RERE: variants seen among roughly 807,000 people sequenced by gnomAD.
The protein encoded by RERE is arginine-glutamic acid dipeptide repeats protein.
Under a neutral mutation model 146.1 loss-of-function variants are expected in RERE, and 40 were observed. That is an observed-to-expected ratio of 0.27 (90% CI 0.21 to 0.36). The LOEUF is 0.36. RERE is among the 10% of genes least tolerant of loss of function. The probability of loss-of-function intolerance (pLI) is 1.00; values close to 1 mark genes in which losing one functional copy is unlikely to be tolerated. For synonymous variants in RERE, 1,003 were observed against 866.0 expected (o/e 1.16, Z -2.78); for missense variants, 1,933 against 2,138.7 (o/e 0.90, Z 1.90).
At chr1:8,561,461 C>T (rs182339319) in intron 4 of RERE, among the ~76,000 whole-genome samples, 1 of 152,202 alleles carries the variant, frequency 6.6e-6, no homozygotes, top group African/African-American at 2.4e-5. Context: ...TCTAGGATTA[C>T]AGTTCAGTCT....
At chr1:8,688,838 T>C (rs1639146813) in intron 1 of RERE, among the ~76,000 whole-genome samples, 1 of 152,252 alleles carries the variant, frequency 6.6e-6, no homozygotes, top group Non-Finnish European at 1.5e-5. Context: ...GTTCTGAGCA[T>C]GTGTAACATC....
chr1:8,614,574 C>G lies in RERE; in HGVS notation c.509G>C (p.Arg170Thr). 1 of 1,613,136 alleles carries G rather than the reference C, an allele frequency of 6.2e-7. No homozygotes were observed. The highest frequency in any genetic ancestry group is 1.3e-5 in the African/African-American group (1 of 75,000). The change falls in exon 4 of 23, where the codon AGA becomes ACA. Residue 170 changes from arginine to threonine, a missense_variant. By Grantham distance (71) the Arg-to-Thr change is moderately conservative (BLOSUM62 -1). Transcript: ENST00000400908. Reference sequence around the variant, plus strand: ...GATTCTCCTTACCCCTACAGGCCCTCTCCCGGCTTCAGAAAGATGCTGTGG... The same window carrying G: ...GATTCTCCTTACCCCTACAGGCCCTGTCCCGGCTTCAGAAAGATGCTGTGG... ...QPPQHLSEAGRGPVGSKRDHL... is the reference protein window; with the variant it reads ...QPPQHLSEAGTGPVGSKRDHL...
intron 1 of RERE, among the ~76,000 whole-genome samples, chr1:8,781,980 G>A (rs759807253): frequency 9.2e-5 from 14 of 152,094 alleles, no homozygotes; most frequent in Non-Finnish European, 2.1e-4. Flanking sequence ...TTGAGGCAGC[G>A]TGCTACTTCT....
chr1:8,744,190 T>C (rs1294190293), intron 1 of RERE, among the ~76,000 whole-genome samples: 1 of 152,214 alleles, frequency 6.6e-6, no homozygotes, highest in African/African-American at 2.4e-5. Flanking sequence ...AATGAAATTG[T>C]TATTCCAACT....
Position 8,423,734 on chromosome 1 carries a change from G to A in RERE, c.1204-927C>T, listed in dbSNP as rs1570207223. On this transcript the variant is annotated intron_variant, in intron 11 of 22. Coordinates refer to ENST00000400908, the MANE Select transcript of RERE (RefSeq NM_001042681.2). This position sits in a 1 kb window ranked among gnomAD's most constrained non-coding sequence, Gnocchi z 5.4. ...TGACCGCGGCGGGGCCGCGCGGCGC[G>A]GGGCCCGGGGGGCGCGGGGCTGGGG... 6.2e-6 allele frequency: 6 copies of A among 973,424 alleles called. No homozygotes were observed. The highest frequency in any genetic ancestry group is 7.3e-6 in the Non-Finnish European group (6 of 822,060). 60.3% of individuals were successfully genotyped at this position (973,424 alleles called of 1,614,324 possible).
intron 1 of RERE, among the ~76,000 whole-genome samples, chr1:8,791,684 G>T (rs1318737822): frequency 1.3e-5 from 2 of 152,164 alleles, no homozygotes; most frequent in South Asian, 2.1e-4. Flanking sequence ...CATGATCAGT[G>T]TAAGTATACG....
At position 8,371,827 on chromosome 1, in the gene RERE, G is replaced by GC. The variant is rs573681853; in HGVS notation, c.1285-5854dup. ...TATTAATACTGGTTCTGCTGTTCTG[G>GC]CCAGGCCCAGTTCTGCTTTATCTTG... On this transcript the variant is annotated intron_variant, in intron 12 of 22. Transcript: ENST00000400908. Among the ~76,000 whole-genome samples, 29 of 152,280 alleles carry GC rather than the reference G, an allele frequency of 1.9e-4. No individual in the cohort carries two copies. The East Asian group carries it at 5.4e-3, about 28-fold the overall frequency.
chr1:8,743,310 ACT>A (rs1640350019), intron 1 of RERE, among the ~76,000 whole-genome samples: 1 of 151,818 alleles, frequency 6.6e-6, no homozygotes, highest in South Asian at 2.1e-4. Flanking sequence ...ACAAAGTCTC[ACT>A]CTGTCATCCA....
intron 7 of RERE, among the ~76,000 whole-genome samples, chr1:8,536,182 G>C (rs1002194299): frequency 1.3e-5 from 2 of 151,534 alleles, no homozygotes; most frequent in African/African-American, 4.9e-5. Flanking sequence ...CAATTCCCAA[G>C]AAGAAACAAA....
chr1:8,644,159 C>G (rs1181698324), intron 2 of RERE, among the ~76,000 whole-genome samples: 1 of 152,218 alleles, frequency 6.6e-6, no homozygotes, highest in Admixed American at 6.5e-5. Flanking sequence ...TGGGGAATAA[C>G]TTTAGCCCCA....
intron 1 of RERE, among the ~76,000 whole-genome samples, chr1:8,791,302 G>A (rs1001135647): frequency 1.3e-5 from 2 of 152,200 alleles, no homozygotes; most frequent in Non-Finnish European, 2.9e-5. Flanking sequence ...CATTGTTGGA[G>A]CATCATGTTT....
chr1:8,636,656 T>C (rs570522217), intron 2 of RERE, among the ~76,000 whole-genome samples: 36 of 152,314 alleles, frequency 2.4e-4, no homozygotes, highest in Middle Eastern at 3.4e-3. Flanking sequence ...CCAGCCTCTC[T>C]AACAGCTAAC....
At chr1:8,805,662 A>T (rs1641676258) in intron 1 of RERE, among the ~76,000 whole-genome samples, 1 of 150,706 alleles carries the variant, frequency 6.6e-6, no homozygotes. Flanking sequence ...AAAAAAAAAA[A>T]AAACAAAAAC....
At chr1:8,630,211 C>T (rs1647019133) in intron 2 of RERE, among the ~76,000 whole-genome samples, 1 of 152,084 alleles carries the variant, frequency 6.6e-6, no homozygotes, top group Non-Finnish European at 1.5e-5. Flanking sequence ...GCTGAAATCC[C>T]GGTACCCAAA....
chr1:8,497,729 C>T (rs1306503045), intron 8 of RERE, among the ~76,000 whole-genome samples, 200 bp from the exon 9 acceptor site: 2 of 152,170 alleles, frequency 1.3e-5, no homozygotes, highest in Non-Finnish European at 2.9e-5. Flanking sequence ...GAAGATTTCA[C>T]AATAGACTGC....
chr1:8,383,012 TAAAA>T (rs35888808), intron 12 of RERE, among the ~76,000 whole-genome samples: 1 of 146,024 alleles, frequency 6.8e-6, no homozygotes. Context: ...TTGACTAAGT[TAAAA>T]AAAAAAAAAA....
chr1:8,402,361 T>C (rs933043543), intron 12 of RERE, among the ~76,000 whole-genome samples: 2 of 152,188 alleles, frequency 1.3e-5, no homozygotes, highest in African/African-American at 4.8e-5. Context: ...CAGCTGTTTA[T>C]GTCACACACA....
At chr1:8,744,939 C>T (rs538178291) in intron 1 of RERE, among the ~76,000 whole-genome samples, 4 of 152,198 alleles carry the variant, frequency 2.6e-5, no homozygotes, top group South Asian at 2.1e-4. Flanking sequence ...CCATGACATA[C>T]GTGGCGCTGT....
chr1:8,775,855 A>C (rs1343411040), intron 1 of RERE, among the ~76,000 whole-genome samples: 1 of 152,188 alleles, frequency 6.6e-6, no homozygotes, highest in Admixed American at 6.5e-5. Flanking sequence ...TACTATCTCC[A>C]TTTTGTATCG....
Sources: gnomAD v4.1 joint callset for allele counts (sites outside exome capture counted in the v4.1 genomes callset) on GRCh38, gnomAD v4.1.1 for gene constraint, Gnocchi (gnomAD v3.1) non-coding constraint, MANE v1.5 for transcripts, NCBI Gene and HGNC (gene_info 2026-07-23, HGNC 2026-07-21) for gene names.